Variants in GRID2 observed in about 807,000 individuals in gnomAD.
GRID2 encodes the protein glutamate receptor ionotropic, delta-2.
A neutral mutation model predicts 114.8 loss-of-function variants in GRID2; 33 were observed. That is an observed-to-expected ratio of 0.29 (90% CI 0.22 to 0.38). The LOEUF (loss-of-function observed/expected upper bound fraction) is 0.38, where lower values mean the gene tolerates loss of function less well. Among genes scored for constraint, GRID2 ranks in the 10% least tolerant of loss-of-function variants. The pLI is 1.00. For synonymous variants in GRID2, 505 were observed against 449.9 expected (o/e 1.12, Z -1.55); for missense variants, 1,184 against 1,257.7 (o/e 0.94, Z 0.89).
At position 92,367,366 on chromosome 4, in the gene GRID2, A is replaced by G. The variant is rs62311004; in HGVS notation, c.88+62622A>G. 9.9e-4 allele frequency among the ~76,000 whole-genome samples: 151 copies of G among 152,206 alleles called. 2 individuals are homozygous for G. The highest frequency in any genetic ancestry group is 1.9e-3 in the Admixed American group (29 of 15,250). On this transcript the variant is annotated intron_variant, in intron 1 of 15. Coordinates refer to ENST00000282020, the MANE Select transcript of GRID2 (RefSeq NM_001510.4). ...AAATTTTCAGTGTCAGGAAAAATCA[A>G]TGGATGGATGTTGAGCATGGTTTGG...
chr4:93,433,536 G>T (rs1769619634), intron 10 of GRID2, among the ~76,000 whole-genome samples: 1 of 151,914 alleles, frequency 6.6e-6, no homozygotes, highest in Admixed American at 6.6e-5. Context: ...TGATGGAAGA[G>T]AATTCCCACG....
intron 2 of GRID2, among the ~76,000 whole-genome samples, chr4:92,724,057 C>T (rs576677768): frequency 1.3e-5 from 2 of 152,154 alleles, no homozygotes; most frequent in Admixed American, 1.3e-4. Context: ...TATCAATATA[C>T]AGGAGGGTTT....
intron 8 of GRID2, among the ~76,000 whole-genome samples, chr4:93,380,006 G>A (rs1230636537): frequency 6.6e-6 from 1 of 152,052 alleles, no homozygotes; most frequent in Admixed American, 6.6e-5. Context: ...GTGATCTGTA[G>A]TAAGTTAAAT....
chr4:93,663,585 G>C (rs1723690804), intron 14 of GRID2, among the ~76,000 whole-genome samples: 1 of 152,166 alleles, frequency 6.6e-6, no homozygotes, highest in South Asian at 2.1e-4. Context: ...ACTGTAATAT[G>C]AAGGAGGTAG....
At chr4:93,590,442 G>A (rs955826674) in intron 13 of GRID2, among the ~76,000 whole-genome samples, 1 of 147,788 alleles carries the variant, frequency 6.8e-6, no homozygotes, top group African/African-American at 2.5e-5. Context: ...GTACCATGCT[G>A]TTTTGGTTAC....
At chr4:93,150,484 C>T (rs1736635689) in intron 4 of GRID2, among the ~76,000 whole-genome samples, 1 of 152,060 alleles carries the variant, frequency 6.6e-6, no homozygotes, top group Admixed American at 6.6e-5. Context: ...CCCAAATAGT[C>T]TCTTTGCTTA....
chr4:93,241,537 T>G (rs1747511578), intron 8 of GRID2, among the ~76,000 whole-genome samples: 1 of 151,894 alleles, frequency 6.6e-6, no homozygotes, highest in South Asian at 2.1e-4. Flanking sequence ...ATAATTATGC[T>G]TATGTTTACA....
chr4:92,951,052 C>G (rs193201718), intron 2 of GRID2, among the ~76,000 whole-genome samples: 1 of 152,084 alleles, frequency 6.6e-6, no homozygotes, highest in African/African-American at 2.4e-5. Context: ...CCAATTTTCT[C>G]TGGAGGATTC....
intron 1 of GRID2, among the ~76,000 whole-genome samples, chr4:92,564,348 A>T (rs2149185227): frequency 6.6e-6 from 1 of 152,144 alleles, no homozygotes; most frequent in East Asian, 1.9e-4. Flanking sequence ...GCTGATTTTA[A>T]AAAAATCATT....
rs1417770807 is a variant in GRID2, at chr4:93,128,017, TC to T, written c.735+17069del. On this transcript the variant is annotated intron_variant, in intron 4 of 15. Coordinates refer to ENST00000282020, the MANE Select transcript of GRID2 (RefSeq NM_001510.4). ...GCTTGGGCAGCAGAGTAAGACCTTG[TC>T]CCCCGCAACAAAAAAAAAAAAAAAA... Among the ~76,000 whole-genome samples the T allele has an allele frequency of 1.1e-4, 8 of 70,556 alleles. No individual in the cohort carries two copies. The Admixed American group carries it at 1.8e-3, about 16-fold the overall frequency. 46.3% of individuals were successfully genotyped at this position (70,556 alleles called of 152,430 possible).
chr4:92,910,981 G>A lies in GRID2; in HGVS notation c.245-174014G>A, dbSNP rs527283788. On this transcript the variant is annotated intron_variant, in intron 2 of 15. Coordinates refer to ENST00000282020, the MANE Select transcript of GRID2 (RefSeq NM_001510.4). ...TGTTTTACGAATATTTGTTATACTA[G>A]TTTCTGATACAGTTGATATAGTTTG... 3.9e-5 allele frequency among the ~76,000 whole-genome samples: 6 copies of A among 152,090 alleles called. No individual in the cohort carries two copies. The East Asian group carries it at 1.2e-3, about 29-fold the overall frequency.
At chr4:93,078,718 T>G (rs1294111106) in intron 2 of GRID2, among the ~76,000 whole-genome samples, 1 of 123,352 alleles carries the variant, frequency 8.1e-6, no homozygotes. Context: ...CTGTATATAC[T>G]AAATATAATT....
chr4:93,049,135 A>T (rs2149278183), intron 2 of GRID2, among the ~76,000 whole-genome samples: 1 of 152,214 alleles, frequency 6.6e-6, no homozygotes, highest in Non-Finnish European at 1.5e-5. Context: ...GGCTCCACAA[A>T]GCATTATAGA....
At chr4:93,713,904 A>G (rs933740080) in intron 14 of GRID2, among the ~76,000 whole-genome samples, 3 of 152,016 alleles carry the variant, frequency 2.0e-5, no homozygotes, top group Non-Finnish European at 4.4e-5. Context: ...GTTGGTATTC[A>G]TATGCTTTTT....
At chr4:93,652,006 G>T (rs1722622773) in intron 14 of GRID2, among the ~76,000 whole-genome samples, 2 of 152,120 alleles carry the variant, frequency 1.3e-5, no homozygotes, top group Non-Finnish European at 2.9e-5. Flanking sequence ...CTTCCTAGTG[G>T]AATTGATACT....
chr4:93,078,202 C>A (rs1729505599), intron 2 of GRID2, among the ~76,000 whole-genome samples: 1 of 152,116 alleles, frequency 6.6e-6, no homozygotes, highest in African/African-American at 2.4e-5. Flanking sequence ...TTTCTTTACT[C>A]TTTTTCGTCA....
chr4:93,123,031 T>A (rs1326763941), intron 4 of GRID2, among the ~76,000 whole-genome samples: 1 of 151,872 alleles, frequency 6.6e-6, no homozygotes, highest in Non-Finnish European at 1.5e-5. Context: ...ATTGGAGAGC[T>A]GTTTAACTTG....
intron 2 of GRID2, among the ~76,000 whole-genome samples, chr4:92,955,598 T>A (rs1222294251): frequency 1.3e-5 from 2 of 152,200 alleles, no homozygotes; most frequent in African/African-American, 4.8e-5. Context: ...TTTCTTTTGC[T>A]GTGCAGAAGC....
intron 2 of GRID2, among the ~76,000 whole-genome samples, chr4:92,849,932 A>G (rs1743643345): frequency 6.6e-6 from 1 of 151,712 alleles, no homozygotes; most frequent in Non-Finnish European, 1.5e-5. Context: ...TAATAAAGCA[A>G]TTAAAGATTA....
Sources: gnomAD v4.1 joint callset for allele counts (sites outside exome capture counted in the v4.1 genomes callset) on GRCh38, gnomAD v4.1.1 for gene constraint, MANE v1.5 for transcripts, NCBI Gene and HGNC (gene_info 2026-07-23, HGNC 2026-07-21) for gene names.